Variants in C1orf21 observed in about 807,000 individuals in gnomAD.
C1orf21 encodes chromosome 1 open reading frame 21.
Under a neutral mutation model 18.7 loss-of-function variants are expected in C1orf21, and 3 were observed. The ratio of observed to expected loss-of-function variants is 0.16; its 90% confidence interval spans 0.07 to 0.42. The LOEUF is 0.42. C1orf21 is among the 10% of genes least tolerant of loss of function. C1orf21 has a pLI of 0.99. For synonymous variants in C1orf21, 41 were observed against 46.4 expected (o/e 0.88, Z 0.47); for missense variants, 104 against 143.6 (o/e 0.72, Z 1.41).
At chr1:184,393,033 C>T (rs965255901) in intron 1 of C1orf21, among the ~76,000 whole-genome samples, 2 of 151,834 alleles carry the variant, frequency 1.3e-5, no homozygotes, top group East Asian at 1.9e-4. Context: ...CTTGCCATGT[C>T]GCCCAGGCTG....
intron 1 of C1orf21, among the ~76,000 whole-genome samples, chr1:184,434,965 T>C (rs951629484): frequency 1.3e-5 from 2 of 152,212 alleles, no homozygotes; most frequent in Non-Finnish European, 2.9e-5. Flanking sequence ...AAGATCACTC[T>C]CCCTGCTTAC....
chr1:184,586,529 C>T (rs1001600722), intron 3 of C1orf21, among the ~76,000 whole-genome samples: 21 of 151,944 alleles, frequency 1.4e-4, no homozygotes, highest in African/African-American at 5.1e-4. Context: ...GTGATCCGCC[C>T]GCCTCGGCCT....
At chr1:184,444,462 A>G (rs1242601804) in intron 1 of C1orf21, among the ~76,000 whole-genome samples, 1 of 152,046 alleles carries the variant, frequency 6.6e-6, no homozygotes, top group Non-Finnish European at 1.5e-5. Flanking sequence ...TCTTGCTGCC[A>G]CCATGTAAGA....
rs1660060885 is a variant in C1orf21, at chr1:184,628,917, G to A, written c.*9361G>A. ...CTATTCCATTTTGAAAAGGGTCTGA[G>A]AAAGTGTACAGGTCTAATTATATAT... On this transcript the variant is annotated 3_prime_UTR_variant, in exon 6 of 6. Transcript: ENST00000235307. 1 of 152,466 alleles carries A rather than the reference G, an allele frequency of 6.6e-6. No homozygotes were observed. Among genetic ancestry groups the A allele is most frequent in the Non-Finnish European group, 1.5e-5 (1 of 68,012 alleles). 9.4% of individuals were successfully genotyped at this position (152,466 alleles called of 1,614,324 possible). A position where few individuals can be genotyped will look rare whatever the true frequency, so the allele number is the denominator to read the frequency against.
chr1:184,505,306 AATAT>A (rs59445875), intron 2 of C1orf21, among the ~76,000 whole-genome samples: 166 of 66,764 alleles, frequency 2.5e-3, no homozygotes, highest in South Asian at 6.4e-3. Flanking sequence ...TACATAAAGA[AATAT>A]ATATATATAT....
At chr1:184,417,168 G>A (rs1054700524) in intron 1 of C1orf21, among the ~76,000 whole-genome samples, 2 of 152,190 alleles carry the variant, frequency 1.3e-5, no homozygotes, top group African/African-American at 4.8e-5. Flanking sequence ...AGGGAAGGGT[G>A]ACTGTAGGCA....
chr1:184,403,996 AC>A (rs1288962338), intron 1 of C1orf21, among the ~76,000 whole-genome samples: 2 of 152,232 alleles, frequency 1.3e-5, no homozygotes, highest in Non-Finnish European at 2.9e-5. Flanking sequence ...TTTTGAAGGA[AC>A]ATAATAAATA....
chr1:184,544,911 T>C (rs934547476), intron 3 of C1orf21, among the ~76,000 whole-genome samples: 1 of 152,222 alleles, frequency 6.6e-6, no homozygotes, highest in African/African-American at 2.4e-5. Context: ...GTGGGTGGCC[T>C]GAGTGCCTTT....
At chr1:184,597,405 T>G (rs1205054252) in intron 4 of C1orf21, among the ~76,000 whole-genome samples, 2 of 152,150 alleles carry the variant, frequency 1.3e-5, no homozygotes, top group Non-Finnish European at 2.9e-5. Context: ...TCAGGTCACT[T>G]GTGCCCCTCC....
intron 3 of C1orf21, among the ~76,000 whole-genome samples, chr1:184,581,296 A>G (rs1241257734): frequency 6.6e-6 from 1 of 152,078 alleles, no homozygotes; most frequent in African/African-American, 2.4e-5. Flanking sequence ...GCATGGTGGC[A>G]TGCATCTGTA....
chr1:184,496,140 G>A (rs1285049027), intron 2 of C1orf21, among the ~76,000 whole-genome samples: 1 of 152,018 alleles, frequency 6.6e-6, no homozygotes, highest in Non-Finnish European at 1.5e-5. Context: ...TTTGCATGGG[G>A]TTTGGTAAGC....
At chr1:184,591,710 G>A (rs1267348228) in intron 4 of C1orf21, among the ~76,000 whole-genome samples, 1 of 152,134 alleles carries the variant, frequency 6.6e-6, no homozygotes, top group Non-Finnish European at 1.5e-5. Flanking sequence ...GGAGGCTGAG[G>A]CAGGAGAGTG....
At position 184,625,718 on chromosome 1, in the gene C1orf21, A is replaced by G. The variant is rs546896071; in HGVS notation, c.*6162A>G. The G allele has an allele frequency of 6.6e-6, 1 of 152,384 alleles. No individual in the cohort carries two copies. The highest frequency in any genetic ancestry group is 1.5e-5 in the Non-Finnish European group (1 of 68,006). 9.4% of individuals were successfully genotyped at this position (152,384 alleles called of 1,614,324 possible). A position where few individuals can be genotyped will look rare whatever the true frequency, so the allele number is the denominator to read the frequency against. On this transcript the variant is annotated 3_prime_UTR_variant, in exon 6 of 6. Transcript: ENST00000235307. ...ACCGAAACAGGAAAAACCAGCCATCACTCTTGAGAAAGTTTGAGTTCGACT... is the reference window on the plus strand; with the variant it reads ...ACCGAAACAGGAAAAACCAGCCATCGCTCTTGAGAAAGTTTGAGTTCGACT...
intron 3 of C1orf21, among the ~76,000 whole-genome samples, chr1:184,530,779 C>A (rs1658450558): frequency 6.6e-6 from 1 of 151,932 alleles, no homozygotes; most frequent in Non-Finnish European, 1.5e-5. Context: ...TTACTTATTT[C>A]CAAGTGGAAA....
chr1:184,538,794 A>G (rs1177962846), intron 3 of C1orf21, among the ~76,000 whole-genome samples: 2 of 152,170 alleles, frequency 1.3e-5, no homozygotes, highest in Non-Finnish European at 2.9e-5. Flanking sequence ...TGAGTTCTCC[A>G]TTCTATTTCA....
rs548691920 is a variant in C1orf21 at position 184,567,840 on chromosome 1, G to A, written c.190-22899G>A. On this transcript the variant is annotated intron_variant, in intron 3 of 5. Coordinates refer to ENST00000235307, the MANE Select transcript of C1orf21 (RefSeq NM_030806.4). ...AGCTTTTGTTTCCTGCAAGCCCCGT[G>A]ATGAAACCACAAGGAATGAACCACA... 21 of 220,222 alleles carry A rather than the reference G, an allele frequency of 9.5e-5. No individual in the cohort carries two copies. In the South Asian group the frequency reaches 1.5e-3, roughly 16 times the overall value. The allele number at this position is 220,222 out of a possible 1,614,324, so 13.6% of individuals were successfully genotyped here. A position where few individuals can be genotyped will look rare whatever the true frequency, so the allele number is the denominator to read the frequency against.
chr1:184,392,682 CT>C (rs571369108), intron 1 of C1orf21, among the ~76,000 whole-genome samples: 73 of 152,316 alleles, frequency 4.8e-4, no homozygotes, highest in African/African-American at 1.7e-3. Context: ...GGCTTTCCCC[CT>C]ATACCTGTTC....
Position 184,410,642 on chromosome 1 carries a change from T to TATA in C1orf21, c.-125+23275_-125+23277dup. Among the ~76,000 whole-genome samples, 2 of 5,380 alleles carry TATA rather than the reference T, an allele frequency of 3.7e-4. 1 individual carries two copies. The highest frequency in any genetic ancestry group is 9.0e-3 in the African/African-American group (2 of 222). The allele number at this position is 5,380 out of a possible 152,430, so 3.5% of individuals were successfully genotyped here. A position where few individuals can be genotyped will look rare whatever the true frequency, so the allele number is the denominator to read the frequency against. ...TTATATATATATATATATATATATATATATATATATATATATATATATTTT... is the reference window on the plus strand; with the variant it reads ...TTATATATATATATATATATATATATATAATATATATATATATATATATATTTT... On this transcript the variant is annotated intron_variant, in intron 1 of 5. Transcript: ENST00000235307.
intron 3 of C1orf21, among the ~76,000 whole-genome samples, chr1:184,543,211 G>A (rs1658681703): frequency 1.3e-5 from 2 of 152,136 alleles, no homozygotes; most frequent in Admixed American, 1.3e-4. Flanking sequence ...GCTGGGCTAG[G>A]TGGTGGTGTG....
Sources: allele counts gnomAD v4.1 joint callset (sites outside exome capture counted in the v4.1 genomes callset), GRCh38; gene constraint gnomAD v4.1.1; transcripts MANE v1.5; gene names NCBI Gene and HGNC (gene_info 2026-07-23, HGNC 2026-07-21).